PKP4: variants seen among roughly 807,000 people sequenced by gnomAD.
PKP4 encodes plakophilin 4.
PKP4 carries 90 observed loss-of-function variants against 145.1 expected under a neutral mutation model. The ratio of observed to expected loss-of-function variants is 0.62; its 90% CI spans 0.52 to 0.74. The LOEUF is 0.74. Ranked by LOEUF, PKP4 falls within the 30% of genes least tolerant of loss-of-function variation. The pLI, the probability that PKP4 is intolerant of heterozygous loss-of-function variation, is 0.00. For missense variants in PKP4, 1,340 were observed against 1,482.7 expected (o/e 0.90, Z 1.58); for synonymous variants, 563 against 577.2 (o/e 0.98, Z 0.35).
intron 1 of PKP4, among the ~76,000 whole-genome samples, chr2:158,464,293 G>A (rs1690240582): frequency 2.0e-5 from 3 of 152,158 alleles, no homozygotes; most frequent in African/African-American, 7.2e-5. Context: ...ATAGAATAGA[G>A]GGACTTTTCA....
At chr2:158,496,138 G>A (rs1329940912) in intron 1 of PKP4, among the ~76,000 whole-genome samples, 4 of 134,156 alleles carry the variant, frequency 3.0e-5, no homozygotes, top group Non-Finnish European at 6.4e-5. Context: ...GTGCCACCAC[G>A]CCCAGCTAAT....
chr2:158,663,107 A>G lies in PKP4; in HGVS notation c.2403+19A>G. 6.4e-7 allele frequency: 1 copy of G among 1,573,056 alleles called. No individual in the cohort carries two copies. The highest frequency in any genetic ancestry group is 8.6e-7 in the Non-Finnish European group (1 of 1,160,078). On this transcript the variant is annotated intron_variant, in intron 14 of 21. Coordinates refer to ENST00000389759, the MANE Select transcript of PKP4 (RefSeq NM_003628.6). Reference sequence around the variant, plus strand: ...AGATCAAGTTAGCATTTTATTTTATATGAGACTCTCAAGTTTAATTTTTCT... The same window carrying G: ...AGATCAAGTTAGCATTTTATTTTATGTGAGACTCTCAAGTTTAATTTTTCT...
chr2:158,672,676 T>A (rs183648906), intron 17 of PKP4, among the ~76,000 whole-genome samples: 1 of 152,254 alleles, frequency 6.6e-6, no homozygotes, highest in Admixed American at 6.5e-5. Context: ...ATAGTCCAAT[T>A]TGGAAATAAA....
rs184304874 is a variant in PKP4 at position 158,599,643 on chromosome 2, G to A, written c.246-3427G>A. Among the ~76,000 whole-genome samples the A allele has an allele frequency of 4.5e-4, 69 of 152,294 alleles. 1 individual carries two copies. The highest frequency in any genetic ancestry group is 1.5e-3 in the African/African-American group (62 of 41,582). Reference sequence around the variant, plus strand: ...ATAACATCAGTCAGGATTTTTGGTTGCAAACAATAGAATCTTCTCTGGCTT... The same window carrying A: ...ATAACATCAGTCAGGATTTTTGGTTACAAACAATAGAATCTTCTCTGGCTT... On this transcript the variant is annotated intron_variant, in intron 3 of 21. Transcript: ENST00000389759.
chr2:158,594,526 G>A (rs959600792), intron 3 of PKP4, among the ~76,000 whole-genome samples: 3 of 152,084 alleles, frequency 2.0e-5, no homozygotes, highest in African/African-American at 4.8e-5. Flanking sequence ...GGGGACTAAC[G>A]GCCATTCTGA....
intron 11 of PKP4, among the ~76,000 whole-genome samples, chr2:158,651,725 G>A (rs923506863): frequency 3.3e-5 from 5 of 151,842 alleles, no homozygotes; most frequent in Non-Finnish European, 2.9e-5. Context: ...GCATGGTCTC[G>A]AGTGAGTGTG....
Position 158,493,315 on chromosome 2 carries a change from C to G in PKP4, c.-6+36097C>G, listed in dbSNP as rs1261722161. Among the ~76,000 whole-genome samples the G allele has an allele frequency of 2.0e-5, 3 of 152,204 alleles. No individual in the cohort carries two copies. The East Asian group carries it at 5.8e-4, about 29-fold the overall frequency. On this transcript the variant is annotated intron_variant, in intron 1 of 21. Transcript: ENST00000389759. Reference sequence around the variant, plus strand: ...TTATTTTGACTATATATATCATTCACCAGTGAGCCAAATAGTTTCTCATCG... The same window carrying G: ...TTATTTTGACTATATATATCATTCAGCAGTGAGCCAAATAGTTTCTCATCG...
rs1176000232 is a variant in PKP4, at chr2:158,658,117, A to C, written c.1910-14A>C. On this transcript the variant is annotated splice_polypyrimidine_tract_variant and intron_variant, in intron 11 of 21. Coordinates refer to ENST00000389759, the MANE Select transcript of PKP4 (RefSeq NM_003628.6). Reference sequence around the variant, plus strand: ...GATCTCTATTTGTTTGATTTTTTAAATCTCCTTTTTTAGGAGTTCTTTGGA... The same window carrying C: ...GATCTCTATTTGTTTGATTTTTTAACTCTCCTTTTTTAGGAGTTCTTTGGA... The C allele has an allele frequency of 6.7e-7, 1 of 1,481,978 alleles. No individual in the cohort carries two copies. The highest frequency in any genetic ancestry group is 9.3e-7 in the Non-Finnish European group (1 of 1,070,796). 91.8% of individuals were successfully genotyped at this position (1,481,978 alleles called of 1,614,324 possible).
chr2:158,648,816 T>C (rs1373861242), intron 11 of PKP4, among the ~76,000 whole-genome samples: 1 of 152,152 alleles, frequency 6.6e-6, no homozygotes, highest in Non-Finnish European at 1.5e-5. Context: ...CAGGCCAACA[T>C]GGTGAAACCC....
chr2:158,520,152 C>T (rs114429976), intron 1 of PKP4, among the ~76,000 whole-genome samples: 2,014 of 152,240 alleles, frequency 0.013, 28 homozygotes, highest in Middle Eastern at 0.027. Flanking sequence ...GCAGTGCTTT[C>T]CTTGTGTTAT....
chr2:158,495,485 A>G (rs975000098), intron 1 of PKP4, among the ~76,000 whole-genome samples: 1 of 152,086 alleles, frequency 6.6e-6, no homozygotes, highest in African/African-American at 2.4e-5. Flanking sequence ...AAAATTCTAA[A>G]TATTAGTACA....
At chr2:158,556,089 T>G (rs1430979142) in intron 2 of PKP4, among the ~76,000 whole-genome samples, 1 of 152,370 alleles carries the variant, frequency 6.6e-6, no homozygotes, top group Middle Eastern at 3.4e-3. Flanking sequence ...GGCAATGTCT[T>G]ATTTATCACA....
rs143372395 is a variant in PKP4 at position 158,663,514 on chromosome 2, A to G, written c.2577+69A>G. 1.5e-5 allele frequency: 20 copies of G among 1,343,060 alleles called. No homozygotes were observed. In the East Asian group the frequency reaches 4.4e-4, roughly 29 times the overall value. 83.2% of individuals were successfully genotyped at this position (1,343,060 alleles called of 1,614,324 possible). Reference sequence around the variant, plus strand: ...AACTAACTTGAAATGTTATATATATATGTTCTGCCTCAGTCAGATCAGCCC... The same window carrying G: ...AACTAACTTGAAATGTTATATATATGTGTTCTGCCTCAGTCAGATCAGCCC... On this transcript the variant is annotated intron_variant, in intron 15 of 21. Coordinates refer to ENST00000389759, the MANE Select transcript of PKP4 (RefSeq NM_003628.6).
intron 3 of PKP4, among the ~76,000 whole-genome samples, chr2:158,586,910 A>C (rs1207625039): frequency 6.6e-6 from 1 of 152,236 alleles, no homozygotes; most frequent in Non-Finnish European, 1.5e-5. Flanking sequence ...ATGTGACCCC[A>C]AGGTATTTCA....
At chr2:158,531,566 G>C (rs1325247680) in intron 1 of PKP4, among the ~76,000 whole-genome samples, 1 of 152,028 alleles carries the variant, frequency 6.6e-6, no homozygotes, top group East Asian at 1.9e-4. Context: ...ATTTTATTTA[G>C]TTGATAATAT....
At chr2:158,590,830 TAGTG>T (rs1343466587) in intron 3 of PKP4, among the ~76,000 whole-genome samples, 1 of 151,988 alleles carries the variant, frequency 6.6e-6, no homozygotes, top group East Asian at 1.9e-4. Context: ...GCTGGAAAGG[TAGTG>T]AGAAGTTTTA....
intron 1 of PKP4, among the ~76,000 whole-genome samples, chr2:158,491,937 G>A (rs1695000602): frequency 6.6e-6 from 1 of 151,998 alleles, no homozygotes; most frequent in Admixed American, 6.6e-5. Flanking sequence ...TAGAGGTGAA[G>A]TAGATGGAGC....
intron 2 of PKP4, among the ~76,000 whole-genome samples, chr2:158,566,460 T>C (rs116232130): frequency 0.014 from 2,035 of 146,174 alleles, 28 homozygotes; most frequent in South Asian, 0.042. Context: ...ATATGCATCA[T>C]TGGTCTTAAT....
At chr2:158,612,456 C>A (rs977223712) in intron 4 of PKP4, among the ~76,000 whole-genome samples, 16 of 152,124 alleles carry the variant, frequency 1.1e-4, no homozygotes, top group African/African-American at 3.9e-4. Flanking sequence ...TGAGAAGATT[C>A]TTTCTGCACA....
Sources: allele counts gnomAD v4.1 joint callset (sites outside exome capture counted in the v4.1 genomes callset), GRCh38; gene constraint gnomAD v4.1.1; transcripts MANE v1.5; gene names NCBI Gene and HGNC (gene_info 2026-07-23, HGNC 2026-07-21).